The following TMEM38B variants were observed in gnomAD, a reference collection of about 807,000 sequenced individuals.
TMEM38B encodes transmembrane protein 38B.
Under a neutral mutation model 28.7 loss-of-function variants are expected in TMEM38B, and 24 were observed. That is an observed-to-expected ratio of 0.84 (90% CI 0.61 to 1.18). The LOEUF (loss-of-function observed/expected upper bound fraction) is 1.18, where lower values mean the gene tolerates loss of function less well. Among genes scored for constraint, TMEM38B ranks in the 50% most tolerant of loss-of-function variants. The pLI is 0.00. For synonymous variants in TMEM38B, 131 were observed against 127.7 expected (o/e 1.03, Z -0.17); for missense variants, 380 against 350.9 (o/e 1.08, Z -0.66).
chr9:105,760,252 A>G lies in TMEM38B; in HGVS notation c.660+12062A>G. On this transcript the variant is annotated intron_variant, in intron 5 of 5. Transcript: ENST00000374692. Reference sequence around the variant, plus strand: ...TGATGCAATGGGCATGAAATCACCGATGATACATACCTTTTCTCGATGTGT... The same window carrying G: ...TGATGCAATGGGCATGAAATCACCGGTGATACATACCTTTTCTCGATGTGT... 3.7e-6 allele frequency: 3 copies of G among 808,754 alleles called. No homozygotes were observed. In the African/African-American group the frequency reaches 5.0e-5, roughly 14 times the overall value. 50.1% of individuals were successfully genotyped at this position (808,754 alleles called of 1,614,324 possible).
intron 5 of TMEM38B, chr9:105,760,380 T>G (rs561220572): frequency 5.3e-6 from 4 of 758,166 alleles, no homozygotes; most frequent in Non-Finnish European, 9.7e-6. Flanking sequence ...TACCAACTTA[T>G]TTACAGACTG....
intron 5 of TMEM38B, among the ~76,000 whole-genome samples, chr9:105,765,310 T>G (rs1193693339): frequency 1.3e-5 from 2 of 152,222 alleles, no homozygotes; most frequent in African/African-American, 2.4e-5. Flanking sequence ...TTTAAAAATT[T>G]TTAAAAGTCA....
At chr9:105,770,698 C>A (rs1826516967) in intron 5 of TMEM38B, among the ~76,000 whole-genome samples, 1 of 151,994 alleles carries the variant, frequency 6.6e-6, no homozygotes, top group African/African-American at 2.4e-5. Context: ...GTTAGGGATT[C>A]ATTTTAGGGC....
chr9:105,726,752 CTT>C (rs1461173146), intron 4 of TMEM38B, among the ~76,000 whole-genome samples: 2 of 151,988 alleles, frequency 1.3e-5, no homozygotes, highest in Non-Finnish European at 1.5e-5. Flanking sequence ...TAATTTGTAA[CTT>C]GGGGTGATAA....
chr9:105,727,351 A>T (rs544110082), intron 4 of TMEM38B, among the ~76,000 whole-genome samples: 1 of 152,122 alleles, frequency 6.6e-6, no homozygotes, highest in East Asian at 1.9e-4. Context: ...CATTCAGCAT[A>T]ATGTCCTCTA....
intron 5 of TMEM38B, among the ~76,000 whole-genome samples, chr9:105,750,212 ATTC>A: frequency 6.6e-6 from 1 of 152,044 alleles, no homozygotes; most frequent in East Asian, 1.9e-4. Flanking sequence ...GAGTTGTAAA[ATTC>A]TTTTCATATT....
At chr9:105,758,685 G>A in intron 5 of TMEM38B, 2 of 756,124 alleles carry the variant, frequency 2.6e-6, no homozygotes, top group Non-Finnish European at 4.7e-6. Flanking sequence ...AAGACATCCA[G>A]AATTGAGAAA....
chr9:105,750,609 G>A lies in TMEM38B; in HGVS notation c.660+2419G>A, dbSNP rs1046517759. ...AGCCTGGGCAACAGAGAAAGACTCT[G>A]TCTCAAAAAACAAAAAACAAAAAAC... On this transcript the variant is annotated intron_variant, in intron 5 of 5. Coordinates refer to ENST00000374692, the MANE Select transcript of TMEM38B (RefSeq NM_018112.3). 1.0e-4 allele frequency among the ~76,000 whole-genome samples: 15 copies of A among 142,960 alleles called. 1 individual carries two copies. The East Asian group carries it at 2.5e-3, about 24-fold the overall frequency. 93.8% of individuals were successfully genotyped at this position (142,960 alleles called of 152,430 possible).
At chr9:105,712,117 G>A (rs1043990902) in intron 2 of TMEM38B, among the ~76,000 whole-genome samples, 20 of 152,224 alleles carry the variant, frequency 1.3e-4, no homozygotes, top group Admixed American at 4.6e-4. Context: ...GTTTCACCAC[G>A]TTGGCCAGGC....
chr9:105,699,829 A>G (rs1401654529), intron 1 of TMEM38B, among the ~76,000 whole-genome samples: 1 of 152,134 alleles, frequency 6.6e-6, no homozygotes, highest in Non-Finnish European at 1.5e-5. Flanking sequence ...GGCTGATAGT[A>G]TAAGTTTTTT....
intron 5 of TMEM38B, chr9:105,759,161 C>G: frequency 1.3e-6 from 1 of 761,302 alleles, no homozygotes; most frequent in Non-Finnish European, 2.4e-6. Flanking sequence ...TCAGCACAAT[C>G]ACAGATTATT....
At chr9:105,711,440 CA>C (rs34003083) in intron 2 of TMEM38B, among the ~76,000 whole-genome samples, 35,147 of 149,580 alleles carry the variant, frequency 0.23, 6,696 homozygotes, top group African/African-American at 0.51. Context: ...GACTCTGTCT[CA>C]AAAAAAAAGA....
intron 4 of TMEM38B, among the ~76,000 whole-genome samples, chr9:105,728,076 T>C (rs1203805454): frequency 6.6e-6 from 1 of 152,144 alleles, no homozygotes; most frequent in Non-Finnish European, 1.5e-5. Flanking sequence ...TTACCAAGCC[T>C]CATGTATTTC....
Position 105,694,792 on chromosome 9 carries a change from G to T in TMEM38B, c.112+20G>T. On this transcript the variant is annotated intron_variant, in intron 1 of 5. Transcript: ENST00000374692. Reference sequence around the variant, plus strand: ...AGCCGGGTGAGTGCGGGGCGCCGCGGGCCGGACCCCTCAGAGTGCTCCTGA... The same window carrying T: ...AGCCGGGTGAGTGCGGGGCGCCGCGTGCCGGACCCCTCAGAGTGCTCCTGA... 7.0e-7 allele frequency: 1 copy of T among 1,429,428 alleles called. No individual in the cohort carries two copies. Among genetic ancestry groups the T allele is most frequent in the Non-Finnish European group, 9.4e-7 (1 of 1,063,404 alleles). The allele number at this position is 1,429,428 out of a possible 1,614,324, so 88.5% of individuals were successfully genotyped here.
chr9:105,765,737 A>T (rs943216911), intron 5 of TMEM38B, among the ~76,000 whole-genome samples: 1 of 152,198 alleles, frequency 6.6e-6, no homozygotes, highest in Non-Finnish European at 1.5e-5. Context: ...TAAGGTTGTT[A>T]TAAATAAAGC....
intron 4 of TMEM38B, among the ~76,000 whole-genome samples, chr9:105,738,950 T>C (rs377491297): frequency 6.6e-6 from 1 of 152,250 alleles, no homozygotes; most frequent in East Asian, 1.9e-4. Context: ...CTCAAACTGC[T>C]GGATGCAAGT....
chr9:105,729,765 G>A (rs1326622927), intron 4 of TMEM38B, among the ~76,000 whole-genome samples: 1 of 152,026 alleles, frequency 6.6e-6, no homozygotes, highest in Non-Finnish European at 1.5e-5. Flanking sequence ...GTTGAGCAGT[G>A]GTTTGTAGTT....
intron 5 of TMEM38B, among the ~76,000 whole-genome samples, chr9:105,772,161 A>C (rs938146719): frequency 1.3e-5 from 2 of 152,178 alleles, no homozygotes; most frequent in Admixed American, 6.5e-5. Context: ...GCTGGCTGCT[A>C]AAGTATCTGC....
intron 5 of TMEM38B, among the ~76,000 whole-genome samples, chr9:105,753,588 A>G (rs2133627482): frequency 6.6e-6 from 1 of 152,328 alleles, no homozygotes; most frequent in South Asian, 2.1e-4. Flanking sequence ...TGAAGGAGAA[A>G]TAAGATCCTT....
Sources: allele counts gnomAD v4.1 joint callset (sites outside exome capture counted in the v4.1 genomes callset), GRCh38; gene constraint gnomAD v4.1.1; transcripts MANE v1.5; gene names NCBI Gene and HGNC (gene_info 2026-07-23, HGNC 2026-07-21).